RTN4: variants seen among roughly 807,000 people sequenced by gnomAD.
RTN4 encodes reticulon-4.
A neutral mutation model predicts 90.4 loss-of-function variants in RTN4; 32 were observed. The ratio of observed to expected loss-of-function variants is 0.35; its 90% CI spans 0.27 to 0.48. The LOEUF (loss-of-function observed/expected upper bound fraction) is 0.48, where lower values mean the gene tolerates loss of function less well. Ranked by LOEUF, RTN4 falls within the 20% of genes least tolerant of loss-of-function variation. RTN4 has a pLI of 0.99. For synonymous variants in RTN4, 629 were observed against 552.5 expected, an observed-to-expected ratio of 1.14 and a Z score of -1.94; for missense variants, 1,706 against 1,430.2, an observed-to-expected ratio of 1.19 and a Z score of -3.11.
chr2:55,048,610 C>G (rs1323689728), intron 1 of RTN4, among the ~76,000 whole-genome samples: 1 of 152,088 alleles, frequency 6.6e-6, no homozygotes, highest in African/African-American at 2.4e-5. Context: ...AGCTCCATTA[C>G]AACCTTATGG....
intron 3 of RTN4, among the ~76,000 whole-genome samples, chr2:55,006,806 C>A (rs141778601): frequency 0.012 from 1,897 of 152,208 alleles, 16 homozygotes; most frequent in Non-Finnish European, 0.02. Context: ...TTCTTTCCCC[C>A]CTTAGTATCA....
chr2:55,105,234 T>G (rs571295471), intron 1 of RTN4, among the ~76,000 whole-genome samples: 2 of 145,178 alleles, frequency 1.4e-5, no homozygotes, highest in Non-Finnish European at 3.0e-5. Context: ...GAAGTTTTTT[T>G]TTTTTTTTTT....
intron 3 of RTN4, among the ~76,000 whole-genome samples, chr2:55,017,616 T>C (rs371976276): frequency 3.6e-4 from 55 of 152,274 alleles, no homozygotes; most frequent in African/African-American, 1.3e-3. Flanking sequence ...AACAAACATA[T>C]ATTAAGTTAT....
chr2:54,990,028 T>A (rs1393026426), intron 3 of RTN4, among the ~76,000 whole-genome samples: 1 of 152,162 alleles, frequency 6.6e-6, no homozygotes, highest in African/African-American at 2.4e-5. Flanking sequence ...ACAGAAAACT[T>A]AGGTTCTATA....
chr2:54,998,601 CT>C (rs1325119482), intron 3 of RTN4, among the ~76,000 whole-genome samples: 8 of 152,166 alleles, frequency 5.3e-5, no homozygotes, highest in Admixed American at 5.2e-4. Flanking sequence ...GTTTTGCAGG[CT>C]TGTCTCCCCT....
chr2:55,068,365 G>C (rs2105013132), intron 2 of RTN4, among the ~76,000 whole-genome samples: 1 of 152,026 alleles, frequency 6.6e-6, no homozygotes, highest in Admixed American at 6.5e-5. Context: ...ATCTTCCCAA[G>C]CTTGACACAT....
chr2:54,981,279 TTTTG>T (rs1457356424), intron 5 of RTN4, among the ~76,000 whole-genome samples: 2 of 149,694 alleles, frequency 1.3e-5, no homozygotes, highest in Non-Finnish European at 3.0e-5. Flanking sequence ...GCTAAAATGT[TTTTG>T]TTTTTTTTTT....
At chr2:55,032,660 G>C (rs1212081669) in intron 1 of RTN4, among the ~76,000 whole-genome samples, 1 of 152,026 alleles carries the variant, frequency 6.6e-6, no homozygotes, top group Non-Finnish European at 1.5e-5. Flanking sequence ...AAGGGCAAGT[G>C]AAAAAAGGAA....
At chr2:54,982,182 C>G (rs889007262) in intron 5 of RTN4, among the ~76,000 whole-genome samples, 2 of 152,002 alleles carry the variant, frequency 1.3e-5, no homozygotes, top group African/African-American at 4.8e-5. Context: ...TCTCAAACTC[C>G]TGACCTCAGG....
chr2:55,100,853 T>C (rs1253323177), intron 1 of RTN4, among the ~76,000 whole-genome samples: 3 of 149,990 alleles, frequency 2.0e-5, no homozygotes, highest in African/African-American at 7.4e-5. Context: ...TTTTCTTTCT[T>C]TTTTCTCTTG....
At chr2:55,112,708 C>T (rs1270016802), upstream of RTN4, 2 of 152,252 alleles carry the variant, frequency 1.3e-5, no homozygotes, top group Non-Finnish European at 2.9e-5. Context: ...CCATGAACAG[C>T]TCTGATGAAT....
chr2:54,999,568 G>C (rs1023979876), intron 3 of RTN4, among the ~76,000 whole-genome samples: 1 of 152,062 alleles, frequency 6.6e-6, no homozygotes, highest in African/African-American at 2.4e-5. Flanking sequence ...CAAATATTAA[G>C]TTCTCTTTAA....
intron 2 of RTN4, among the ~76,000 whole-genome samples, chr2:55,062,722 G>T (rs1442233131): frequency 2.0e-5 from 3 of 152,214 alleles, no homozygotes; most frequent in African/African-American, 7.2e-5. Context: ...TTCATGGACA[G>T]AAGTAATCTG....
chr2:55,061,971 A>G (rs1195351015), intron 2 of RTN4, among the ~76,000 whole-genome samples: 4 of 152,162 alleles, frequency 2.6e-5, no homozygotes, highest in African/African-American at 7.2e-5. Flanking sequence ...AGAGAAGCAC[A>G]TTGGCGGAGG....
intron 1 of RTN4, among the ~76,000 whole-genome samples, chr2:55,091,176 A>G (rs1668929095): frequency 6.6e-6 from 1 of 152,216 alleles, no homozygotes; most frequent in Non-Finnish European, 1.5e-5. Context: ...TAAATCGGAC[A>G]GTATGGCTCC....
chr2:55,043,752 G>A (rs1683227661), intron 1 of RTN4, among the ~76,000 whole-genome samples: 1 of 152,100 alleles, frequency 6.6e-6, no homozygotes, highest in African/African-American at 2.4e-5. Context: ...CAGGTGTGGT[G>A]GCACATGCCT....
intron 1 of RTN4, among the ~76,000 whole-genome samples, chr2:55,048,890 A>C (rs941914151): frequency 1.3e-5 from 2 of 152,088 alleles, no homozygotes; most frequent in African/African-American, 4.8e-5. Context: ...TGTAAGATTC[A>C]ATTATGATGC....
chr2:55,002,266 C>T (rs1461596502), intron 3 of RTN4, among the ~76,000 whole-genome samples: 1 of 151,844 alleles, frequency 6.6e-6, no homozygotes, highest in Non-Finnish European at 1.5e-5. Flanking sequence ...CCTATGTTGC[C>T]CAGACTGGTC....
the RTN4 span, among the ~76,000 whole-genome samples, chr2:55,130,529 C>T: frequency 2.6e-5 from 4 of 152,204 alleles, no homozygotes; most frequent in Non-Finnish European, 4.4e-5. Context: ...TGTGGGCAGA[C>T]TGCTCGAGCC....
Sources: allele counts gnomAD v4.1 joint callset (sites outside exome capture counted in the v4.1 genomes callset), GRCh38; gene constraint gnomAD v4.1.1; transcripts MANE v1.5; gene names NCBI Gene and HGNC (gene_info 2026-07-23, HGNC 2026-07-21).